MAML2: variants seen among roughly 807,000 people sequenced by gnomAD.
MAML2 encodes the protein mastermind-like protein 2.
In MAML2, 22 loss-of-function variants were observed where a neutral mutation model predicts 96.1. The ratio of observed to expected loss-of-function variants is 0.23; its 90% confidence interval spans 0.16 to 0.33. The LOEUF (loss-of-function observed/expected upper bound fraction) is 0.33. Among genes scored for constraint, MAML2 ranks in the 10% least tolerant of loss-of-function variants. The pLI, the probability that MAML2 is intolerant of heterozygous loss-of-function variation, is 1.00. For synonymous variants in MAML2, 561 were observed against 521.3 expected (o/e 1.08, Z -1.04); for missense variants, 1,367 against 1,392.4 (o/e 0.98, Z 0.29).
At chr11:96,012,030 T>C in intron 2 of MAML2, among the ~76,000 whole-genome samples, 1 of 152,240 alleles carries the variant, frequency 6.6e-6, no homozygotes, top group East Asian at 1.9e-4. Flanking sequence ...TTACGTCTTT[T>C]AGAATCAAAC....
At chr11:96,240,442 C>A (rs903641923) in intron 1 of MAML2, among the ~76,000 whole-genome samples, 1 of 149,230 alleles carries the variant, frequency 6.7e-6, no homozygotes. Flanking sequence ...CCCAGCTACT[C>A]GGGAGGCTGA....
At chr11:96,029,610 C>T (rs1312177960) in intron 2 of MAML2, among the ~76,000 whole-genome samples, 1 of 152,124 alleles carries the variant, frequency 6.6e-6, no homozygotes, top group Non-Finnish European at 1.5e-5. Flanking sequence ...AGGAAATTCT[C>T]AAAAATAGGC....
chr11:95,998,885 TG>T (rs1179398008), intron 2 of MAML2, among the ~76,000 whole-genome samples: 2 of 152,204 alleles, frequency 1.3e-5, no homozygotes, highest in Non-Finnish European at 2.9e-5. Flanking sequence ...TTTAATATCT[TG>T]CCTATGGATG....
intron 1 of MAML2, among the ~76,000 whole-genome samples, chr11:96,134,403 T>G (rs1860595078): frequency 6.6e-6 from 1 of 152,206 alleles, no homozygotes; most frequent in South Asian, 2.1e-4. Flanking sequence ...TTTAATGAAT[T>G]AAGGCAAGAT....
chr11:96,025,314 T>G (rs1444590568), intron 2 of MAML2, among the ~76,000 whole-genome samples: 1 of 151,968 alleles, frequency 6.6e-6, no homozygotes, highest in Non-Finnish European at 1.5e-5. Context: ...AACCAAGTAG[T>G]GTATGTTCTC....
chr11:96,089,007 A>T (rs1285608249), intron 2 of MAML2, among the ~76,000 whole-genome samples: 1 of 152,096 alleles, frequency 6.6e-6, no homozygotes, highest in Admixed American at 6.6e-5. Flanking sequence ...TTCAAGTAAC[A>T]AATCCCACAG....
At chr11:96,121,684 C>T (rs918194632) in intron 1 of MAML2, among the ~76,000 whole-genome samples, 12 of 150,460 alleles carry the variant, frequency 8.0e-5, no homozygotes, top group African/African-American at 2.2e-4. Flanking sequence ...CATTCTTTTT[C>T]GCAACATAAA....
Position 95,976,745 on chromosome 11 carries a change from AG to A in MAML2, c.*2202del, listed in dbSNP as rs1857657541. 5.5e-6 allele frequency: 1 copy of A among 182,544 alleles called. No homozygotes were observed. Among genetic ancestry groups the A allele is most frequent in the Non-Finnish European group, 1.2e-5 (1 of 85,746 alleles). 11.3% of individuals were successfully genotyped at this position (182,544 alleles called of 1,614,324 possible). A position where few individuals can be genotyped will look rare whatever the true frequency, so the allele number is the denominator to read the frequency against. On this transcript the variant is annotated 3_prime_UTR_variant, in exon 5 of 5. Coordinates refer to ENST00000524717, the MANE Select transcript of MAML2 (RefSeq NM_032427.4). Reference sequence around the variant, plus strand: ...TACTACAAAACATACTATTTATGTTAGGGTAAAAATAAGCTGACTCACAGGA... The same window carrying A: ...TACTACAAAACATACTATTTATGTTAGGTAAAAATAAGCTGACTCACAGGA...
rs1857811505 is a variant in MAML2, at chr11:95,985,539, T to C, written c.2447A>G (p.Gln816Arg). 1 of 1,594,928 alleles carries C rather than the reference T, an allele frequency of 6.3e-7. No homozygotes were observed. Among genetic ancestry groups the C allele is most frequent in the Non-Finnish European group, 8.6e-7 (1 of 1,165,140 alleles). Reference protein sequence around the residue: ...RNVGNMQPTAQYSGGSSTISL... With the variant: ...RNVGNMQPTARYSGGSSTISL... ...TTTTTAAGAACACTTACCAGAATAC[T>C]GAGCAGTTGGTTGCATATTGCCCAC... The change falls in exon 4 of 5, where the codon CAG becomes CGG. Residue 816 changes from glutamine to arginine, a missense_variant. By Grantham distance (43) the Gln-to-Arg change is conservative (BLOSUM62 1). Transcript: ENST00000524717.
At chr11:96,032,022 C>T (rs540102640) in intron 2 of MAML2, among the ~76,000 whole-genome samples, 14 of 151,842 alleles carry the variant, frequency 9.2e-5, no homozygotes, top group South Asian at 2.1e-4. Flanking sequence ...AAAAATTACC[C>T]GTATCTTTGT....
chr11:96,187,708 C>T (rs371390838), intron 1 of MAML2, among the ~76,000 whole-genome samples: 1 of 151,534 alleles, frequency 6.6e-6, no homozygotes, highest in African/African-American at 2.4e-5. Context: ...GCAGGAGAAT[C>T]GCTTGAACCA....
Position 96,063,307 on chromosome 11 carries a change from T to G in MAML2, c.2139+28585A>C, listed in dbSNP as rs368672483. On this transcript the variant is annotated intron_variant, in intron 2 of 4. Coordinates refer to ENST00000524717, the MANE Select transcript of MAML2 (RefSeq NM_032427.4). ...CTTCTCCCTCTCATAACTTGTTCTT[T>G]GTTTTATTACTCACTCAGTATTGGT... 5.9e-5 allele frequency among the ~76,000 whole-genome samples: 9 copies of G among 152,330 alleles called. No homozygotes were observed. The East Asian group carries it at 1.7e-3, about 29-fold the overall frequency.
chr11:96,036,079 A>G (rs1858706774), intron 2 of MAML2, among the ~76,000 whole-genome samples: 1 of 152,256 alleles, frequency 6.6e-6, no homozygotes, highest in Admixed American at 6.5e-5. Context: ...ACTTTACCAC[A>G]GTATTATGTT....
At chr11:96,017,385 TC>T (rs1260914285) in intron 2 of MAML2, among the ~76,000 whole-genome samples, 2 of 149,358 alleles carry the variant, frequency 1.3e-5, no homozygotes, top group Admixed American at 6.7e-5. Context: ...CCACCTCTTT[TC>T]TCCCTTCCCT....
chr11:95,993,213 A>G (rs1439990220), intron 2 of MAML2, among the ~76,000 whole-genome samples: 1 of 151,810 alleles, frequency 6.6e-6, no homozygotes, highest in Non-Finnish European at 1.5e-5. Context: ...CCCAGAAAAA[A>G]AAAAAAAAAA....
intron 2 of MAML2, among the ~76,000 whole-genome samples, chr11:96,034,432 T>TGTGA (rs549312275): frequency 0.2 from 26,711 of 134,594 alleles, 3,174 homozygotes; most frequent in Non-Finnish European, 0.28. Flanking sequence ...TGTGTGTGTG[T>TGTGA]GAGAGAGAGA....
At chr11:96,122,525 TGTGTGCAC>T (rs1225744843) in intron 1 of MAML2, among the ~76,000 whole-genome samples, 68 of 145,882 alleles carry the variant, frequency 4.7e-4, no homozygotes, top group African/African-American at 1.6e-3. Context: ...TGTGTGTGTG[TGTGTGCAC>T]GTGCACGTGC....
intron 2 of MAML2, among the ~76,000 whole-genome samples, chr11:96,076,434 A>T (rs59904115): frequency 0.024 from 397 of 16,670 alleles, no homozygotes; most frequent in Middle Eastern, 0.058. Context: ...TCTCTCTCTC[A>T]CACACACACA....
At chr11:96,262,554 G>T (rs1359752528) in intron 1 of MAML2, among the ~76,000 whole-genome samples, 2 of 151,304 alleles carry the variant, frequency 1.3e-5, no homozygotes, top group African/African-American at 4.9e-5. Context: ...TGCAACCTCC[G>T]CCTCCCAGGT....
Sources: gnomAD v4.1 joint callset for allele counts (sites outside exome capture counted in the v4.1 genomes callset) on GRCh38, gnomAD v4.1.1 for gene constraint, MANE v1.5 for transcripts, NCBI Gene and HGNC (gene_info 2026-07-23, HGNC 2026-07-21) for gene names.